The following SH3GL1 variants were observed in gnomAD, a reference collection of about 807,000 sequenced individuals.
The protein encoded by SH3GL1 is endophilin-A2.
Under a neutral mutation model 48.8 loss-of-function variants are expected in SH3GL1, and 21 were observed. The observed-to-expected ratio is 0.43, with a 90% CI of 0.30 to 0.62. The LOEUF is 0.62. Among genes scored for constraint, SH3GL1 ranks in the 20% least tolerant of loss-of-function variants. The pLI is 0.11. For missense variants in SH3GL1, 454 were observed against 503.0 expected (o/e 0.90, Z 0.93); for synonymous variants, 282 against 217.5 (o/e 1.30, Z -2.61).
At chr19:4,396,809 C>T (rs1973434118) in intron 1 of SH3GL1, among the ~76,000 whole-genome samples, 1 of 152,180 alleles carries the variant, frequency 6.6e-6, no homozygotes, top group African/African-American at 2.4e-5. Flanking sequence ...AGCAGCACCG[C>T]ACCAAGCTGT....
intron 1 of SH3GL1, among the ~76,000 whole-genome samples, chr19:4,391,983 C>A (rs1028165283): frequency 6.6e-6 from 1 of 152,232 alleles, no homozygotes; most frequent in African/African-American, 2.4e-5. Context: ...CCATTCCCAT[C>A]ATACGTGGAC....
At chr19:4,363,683 T>C (rs1972690108) in intron 6 of SH3GL1, 37 bp downstream of exon 6, 3 of 1,611,268 alleles carry the variant, frequency 1.9e-6, no homozygotes, top group African/African-American at 1.3e-5. Flanking sequence ...CCCAAGGGCA[T>C]AGGTCTTCTC....
intron 9 of SH3GL1, 94 bp from the exon 10 acceptor site, chr19:4,361,890 T>G (rs1234133330): frequency 9.9e-6 from 9 of 906,844 alleles, no homozygotes; most frequent in South Asian, 1.5e-5. Context: ...AGCGTGTGGG[T>G]GGGCATGGGC....
intron 4 of SH3GL1, among the ~76,000 whole-genome samples, chr19:4,364,834 G>C (rs985975892): frequency 3.4e-5 from 5 of 149,218 alleles, no homozygotes; most frequent in Non-Finnish European, 7.4e-5. Context: ...GAGTAGCTGG[G>C]GTTACAGGCA....
At chr19:4,363,641 C>T (rs1972688529) in intron 6 of SH3GL1, 79 bp downstream of exon 6, 2 of 1,577,532 alleles carry the variant, frequency 1.3e-6, no homozygotes, top group African/African-American at 1.3e-5. Flanking sequence ...GCCGATCTGT[C>T]CTCCAGCTCC....
At chr19:4,391,034 C>G (rs1973328602) in intron 1 of SH3GL1, among the ~76,000 whole-genome samples, 1 of 152,174 alleles carries the variant, frequency 6.6e-6, no homozygotes, top group Non-Finnish European at 1.5e-5. Context: ...ACCCTAGGCC[C>G]CTGGATTAAA....
rs1179334618 is a variant in SH3GL1 at position 4,389,481 on chromosome 19, T to C, written c.45+10843A>G. On this transcript the variant is annotated intron_variant, in intron 1 of 9. Transcript: ENST00000269886. This position sits in a 1 kb window ranked among gnomAD's most constrained non-coding sequence, Gnocchi z 4.5. Reference sequence around the variant, plus strand: ...GGAGAGTACAGGGCCCCACACAGGGTGGGCGGGAGGGACTGACTGTGTGAG... The same window carrying C: ...GGAGAGTACAGGGCCCCACACAGGGCGGGCGGGAGGGACTGACTGTGTGAG... Among the ~76,000 whole-genome samples the C allele has an allele frequency of 1.4e-5, 2 of 138,338 alleles. No individual in the cohort carries two copies. The highest frequency in any genetic ancestry group is 1.4e-4 in the Admixed American group (2 of 14,166). The allele number at this position is 138,338 out of a possible 152,430, so 90.8% of individuals were successfully genotyped here.
chr19:4,371,026 CT>C (rs1972889571), intron 1 of SH3GL1, among the ~76,000 whole-genome samples: 1 of 152,266 alleles, frequency 6.6e-6, no homozygotes, highest in Admixed American at 6.5e-5. Context: ...CTGCCTGACC[CT>C]GTACTCTGTC....
rs8111232 is a variant in SH3GL1 at position 4,367,121 on chromosome 19, C to G, written c.46-127G>C. 18,676 of 833,738 alleles carry G rather than the reference C, an allele frequency of 0.022. 331 individuals carry two copies. Among genetic ancestry groups the G allele is most frequent in the African/African-American group, 0.053 (3,174 of 59,944 alleles). The allele number at this position is 833,738 out of a possible 1,614,324, so 51.6% of individuals were successfully genotyped here. On this transcript the variant is annotated intron_variant, in intron 1 of 9. Transcript: ENST00000269886. The surrounding 1 kb of genome is among the most constrained non-coding windows in gnomAD (Gnocchi z 4.2). ...GAGGCAGGAGGCCAAGTGATCAGGA[C>G]ACACACCTCAGGCACTGCCGTGGGC...
chr19:4,399,086 G>C (rs752859056), intron 1 of SH3GL1, among the ~76,000 whole-genome samples: 5 of 152,142 alleles, frequency 3.3e-5, no homozygotes, highest in African/African-American at 4.8e-5. Context: ...TTGGGAAGCC[G>C]AAGCAGGCGG....
chr19:4,374,805 A>G (rs545487879), intron 1 of SH3GL1, among the ~76,000 whole-genome samples: 2 of 152,156 alleles, frequency 1.3e-5, no homozygotes, highest in South Asian at 2.1e-4. Context: ...CCGAGGACGC[A>G]CCCTGCCTGG....
At chr19:4,368,421 C>T (rs1317274760) in intron 1 of SH3GL1, among the ~76,000 whole-genome samples, 1 of 152,224 alleles carries the variant, frequency 6.6e-6, no homozygotes, top group Non-Finnish European at 1.5e-5. Flanking sequence ...TAGCCCATGC[C>T]TGGAGGTCAC....
At chr19:4,363,249 G>A (rs1972673843) in intron 7 of SH3GL1, 121 bp downstream of exon 7, 1 of 798,098 alleles carries the variant, frequency 1.3e-6, no homozygotes, top group Non-Finnish European at 2.0e-6. Context: ...TCAGTCCCCA[G>A]GAAGAATCCA....
rs531574153 is a variant in SH3GL1, at chr19:4,364,220, A to G, written c.333T>C (p.Gly111=). ...GKELGGESNF[G]DALLDAGESM... ...ACTCGCCGGCATCCAGCAATGCGTC[A>G]CCTGTGGAGAAGTGGTGGGGGAAGC... Residue 111 remains glycine, a splice_region_variant and synonymous_variant, in exon 5 of 10, where the codon GGT becomes GGC. Coordinates refer to ENST00000269886, the MANE Select transcript of SH3GL1 (RefSeq NM_003025.4). The G allele has an allele frequency of 4.3e-5, 69 of 1,613,658 alleles. No homozygotes were observed. Among genetic ancestry groups the G allele is most frequent in the Non-Finnish European group, 3.8e-5 (45 of 1,180,014 alleles).
At chr19:4,399,344 C>CAAAAAAAA (rs1973479316) in intron 1 of SH3GL1, among the ~76,000 whole-genome samples, 1 of 72,922 alleles carries the variant, frequency 1.4e-5, no homozygotes, top group Non-Finnish European at 3.0e-5. Context: ...AAAAAAAAAT[C>CAAAAAAAA]CAAGAAGTGT....
intron 7 of SH3GL1, 88 bp from the exon 8 acceptor site, chr19:4,362,824 G>A: frequency 6.3e-7 from 1 of 1,596,250 alleles, no homozygotes; most frequent in Non-Finnish European, 8.5e-7. Flanking sequence ...CTAATGACCT[G>A]GCCTGGGACT....
At chr19:4,385,226 A>AC (rs1973214865) in intron 1 of SH3GL1, among the ~76,000 whole-genome samples, 1 of 152,098 alleles carries the variant, frequency 6.6e-6, no homozygotes, top group South Asian at 2.1e-4. Flanking sequence ...CAGTGAAGGC[A>AC]CGCCGGCCCT....
At chr19:4,365,442 C>T (rs376720274) in intron 4 of SH3GL1, 40 bp downstream of exon 4, 5 of 1,611,746 alleles carry the variant, frequency 3.1e-6, no homozygotes, top group African/African-American at 1.3e-5. Context: ...GGTGTGGCCT[C>T]CAGGGACGGT....
chr19:4,365,651 T>C lies in SH3GL1; in HGVS notation c.188-26A>G, dbSNP rs541400852. On this transcript the variant is annotated intron_variant, in intron 3 of 9. Transcript: ENST00000269886. ...CTGGGATAGGATGGCCAGGTGGGTG[T>C]GGGCTGTGAGGCCTGCACTCCTCTG... The C allele has an allele frequency of 2.2e-5, 36 of 1,612,826 alleles. No individual in the cohort carries two copies. The East Asian group carries it at 6.0e-4, about 27-fold the overall frequency.
Sources: gnomAD v4.1 joint callset for allele counts (sites outside exome capture counted in the v4.1 genomes callset) on GRCh38, gnomAD v4.1.1 for gene constraint, Gnocchi (gnomAD v3.1) non-coding constraint, MANE v1.5 for transcripts, NCBI Gene and HGNC (gene_info 2026-07-23, HGNC 2026-07-21) for gene names.